The following ADAMTSL1 variants were observed in gnomAD, a reference collection of about 807,000 sequenced individuals.
The protein encoded by ADAMTSL1 is ADAMTS like 1.
In ADAMTSL1, 126 loss-of-function variants were observed where a neutral mutation model predicts 201.8. The ratio of observed to expected loss-of-function variants is 0.62; its 90% confidence interval spans 0.54 to 0.72. ADAMTSL1 has a LOEUF of 0.72. Among genes scored for constraint, ADAMTSL1 ranks in the 30% least tolerant of loss-of-function variants. The pLI is 0.00. For synonymous variants in ADAMTSL1, 1,121 were observed against 903.4 expected, an observed-to-expected ratio of 1.24 and a Z score of -4.32; for missense variants, 2,679 against 2,277.8, an observed-to-expected ratio of 1.18 and a Z score of -3.59.
At chr9:18,659,431 G>C (rs1277273987) in intron 8 of ADAMTSL1, among the ~76,000 whole-genome samples, 8 of 152,190 alleles carry the variant, frequency 5.3e-5, no homozygotes, top group Non-Finnish European at 8.8e-5. Flanking sequence ...CATTTCAATA[G>C]AATGAGTGTT....
intron 3 of ADAMTSL1, among the ~76,000 whole-genome samples, chr9:18,567,660 A>G (rs189294504): frequency 6.6e-6 from 1 of 152,236 alleles, no homozygotes; most frequent in East Asian, 1.9e-4. Context: ...CTCAGGGAAT[A>G]TGCTCCAAGA....
At chr9:18,480,688 C>T (rs996747325) in intron 1 of ADAMTSL1, among the ~76,000 whole-genome samples, 15 of 152,080 alleles carry the variant, frequency 9.9e-5, no homozygotes, top group African/African-American at 3.6e-4. Flanking sequence ...GTACTAATAC[C>T]GTTTTCCATT....
intron 1 of ADAMTSL1, among the ~76,000 whole-genome samples, chr9:18,101,850 T>C (rs577403197): frequency 1.9e-4 from 29 of 152,270 alleles, no homozygotes; most frequent in Admixed American, 6.5e-4. Context: ...TGTCTTGACT[T>C]TAGATCAGAG....
At chr9:18,904,289 C>T (rs935233867) in intron 26 of ADAMTSL1, among the ~76,000 whole-genome samples, 3 of 152,056 alleles carry the variant, frequency 2.0e-5, no homozygotes, top group Non-Finnish European at 2.9e-5. Context: ...ACCAACATGG[C>T]GAAATCCTAT....
At chr9:18,775,439 C>A (rs1429557498) in intron 17 of ADAMTSL1, among the ~76,000 whole-genome samples, 1 of 152,132 alleles carries the variant, frequency 6.6e-6, no homozygotes, top group Non-Finnish European at 1.5e-5. Flanking sequence ...AGTAACTTGC[C>A]AACTAGTGAA....
At chr9:18,351,323 A>G (rs533116644) in intron 2 of ADAMTSL1, among the ~76,000 whole-genome samples, 2 of 152,130 alleles carry the variant, frequency 1.3e-5, no homozygotes, top group Non-Finnish European at 2.9e-5. Flanking sequence ...TTTAAAAACA[A>G]TTTGCCAAAG....
rs1322564360 is a variant in ADAMTSL1 at position 18,909,466 on chromosome 9, C to G, written c.*918C>G. On this transcript the variant is annotated 3_prime_UTR_variant, in exon 29 of 29. Coordinates refer to ENST00000380548, the MANE Select transcript of ADAMTSL1 (RefSeq NM_001040272.6). ...GGGTCTCGCCATGCAGTAAGGCCAC[C>G]CTGGCACCTCTTTATCTAAATCCGA... 6.6e-6 allele frequency: 1 copy of G among 152,096 alleles called. No homozygotes were observed. Among genetic ancestry groups the G allele is most frequent in the Non-Finnish European group, 1.5e-5 (1 of 68,108 alleles). 9.4% of individuals were successfully genotyped at this position (152,096 alleles called of 1,614,324 possible).
intron 2 of ADAMTSL1, among the ~76,000 whole-genome samples, chr9:18,266,799 C>CT (rs1370217400): frequency 6.6e-6 from 1 of 152,080 alleles, no homozygotes; most frequent in Non-Finnish European, 1.5e-5. Context: ...TTGACGGTTC[C>CT]TTTTTTCTTT....
chr9:18,560,118 C>T (rs1489535988), intron 3 of ADAMTSL1, among the ~76,000 whole-genome samples: 1 of 152,096 alleles, frequency 6.6e-6, no homozygotes, highest in Non-Finnish European at 1.5e-5. Flanking sequence ...CAGCTTTTGC[C>T]CATTCAGTAT....
At chr9:18,183,108 G>C (rs190124954) in intron 2 of ADAMTSL1, among the ~76,000 whole-genome samples, 1 of 152,172 alleles carries the variant, frequency 6.6e-6, no homozygotes, top group African/African-American at 2.4e-5. Flanking sequence ...CTTTGATAAA[G>C]GAGCAAACGC....
chr9:18,528,602 A>C (rs1157346896), intron 2 of ADAMTSL1, among the ~76,000 whole-genome samples: 2 of 152,070 alleles, frequency 1.3e-5, no homozygotes, highest in East Asian at 3.9e-4. Context: ...TTTTCCAGTC[A>C]ATAATTAGTG....
At chr9:18,328,479 G>A (rs1466916666) in intron 2 of ADAMTSL1, among the ~76,000 whole-genome samples, 1 of 152,086 alleles carries the variant, frequency 6.6e-6, no homozygotes, top group Non-Finnish European at 1.5e-5. Flanking sequence ...AACTCACTTA[G>A]CCCTCCTAAT....
At chr9:18,652,340 G>C (rs1327291262) in intron 7 of ADAMTSL1, among the ~76,000 whole-genome samples, 1 of 135,598 alleles carries the variant, frequency 7.4e-6, no homozygotes, top group Non-Finnish European at 1.5e-5. Context: ...ACTCCAGCTT[G>C]GGTGACAAGA....
intron 2 of ADAMTSL1, among the ~76,000 whole-genome samples, chr9:18,291,228 C>G (rs2132680901): frequency 6.6e-6 from 1 of 152,098 alleles, no homozygotes; most frequent in East Asian, 1.9e-4. Flanking sequence ...ATACTAAATC[C>G]TAAGAACTAA....
At chr9:18,603,376 CTATGCTATGCTATGCTAT>C in intron 4 of ADAMTSL1, among the ~76,000 whole-genome samples, 1 of 151,588 alleles carries the variant, frequency 6.6e-6, no homozygotes, top group Admixed American at 6.6e-5. Context: ...CTATGCTATG[CTATGCTATGCTATGCTAT>C]GCTATGCTAT....
At chr9:18,814,407 A>G (rs1190043228) in intron 20 of ADAMTSL1, among the ~76,000 whole-genome samples, 1 of 152,230 alleles carries the variant, frequency 6.6e-6, no homozygotes, top group Non-Finnish European at 1.5e-5. Context: ...AGCAAAGGAA[A>G]CAATCAACAG....
chr9:18,333,252 T>C (rs1226377128), intron 2 of ADAMTSL1, among the ~76,000 whole-genome samples: 1 of 152,178 alleles, frequency 6.6e-6, no homozygotes, highest in Non-Finnish European at 1.5e-5. Context: ...CTGTGTATCT[T>C]GGGAGGGTCC....
intron 2 of ADAMTSL1, among the ~76,000 whole-genome samples, chr9:18,287,568 T>G (rs536041034): frequency 3.3e-5 from 5 of 149,302 alleles, no homozygotes; most frequent in East Asian, 3.9e-4. Context: ...AAATATTACA[T>G]ATATGTAAAT....
At chr9:18,322,334 T>C (rs1834656086) in intron 2 of ADAMTSL1, among the ~76,000 whole-genome samples, 2 of 152,186 alleles carry the variant, frequency 1.3e-5, no homozygotes, top group South Asian at 4.1e-4. Flanking sequence ...TTAATAATTT[T>C]GTTAAACCAT....
Sources: allele counts gnomAD v4.1 joint callset (sites outside exome capture counted in the v4.1 genomes callset), GRCh38; gene constraint gnomAD v4.1.1; transcripts MANE v1.5; gene names NCBI Gene and HGNC (gene_info 2026-07-23, HGNC 2026-07-21).